The following THOC2 variants were observed in gnomAD, a reference collection of about 807,000 sequenced individuals.
THOC2 encodes the protein THO complex subunit 2.
Under a neutral mutation model 128.4 loss-of-function variants are expected in THOC2, and 10 were observed. That is an observed-to-expected ratio of 0.08 (90% CI 0.05 to 0.13). THOC2 has a LOEUF of 0.13. Ranked by LOEUF, THOC2 falls within the 10% of genes least tolerant of loss-of-function variation. The probability of loss-of-function intolerance (pLI) is 1.00; values close to 1 mark genes in which losing one functional copy is unlikely to be tolerated. For missense variants in THOC2, 535 were observed against 1,155.7 expected, an observed-to-expected ratio of 0.46 and a Z score of 7.79; for synonymous variants, 393 against 396.9, an observed-to-expected ratio of 0.99 and a Z score of 0.12.
chrX:123,614,172 A>C lies in THOC2; in HGVS notation c.4329T>G (p.Thr1443=), dbSNP rs2046806466. 1 of 1,189,377 alleles carries C rather than the reference A, an allele frequency of 8.4e-7. No homozygotes were observed. ...ESSAKLYINH[T]PPPLSKSKER... is the part of the protein sequence containing the mutation. Reference sequence around the variant, plus strand: ...CCTTACTCTTGGACAGTGGTGGAGGAGTATGATTAATGTAGAGCTGTTAAA... The same window carrying C: ...CCTTACTCTTGGACAGTGGTGGAGGCGTATGATTAATGTAGAGCTGTTAAA... Residue 1443 remains threonine, a synonymous_variant, in exon 34 of 39, where the codon ACT becomes ACG. Transcript: ENST00000245838.
rs1341322965 is a variant in THOC2, at chrX:123,634,703, A to C, written c.2019-633T>G. Among the ~76,000 whole-genome samples the C allele has an allele frequency of 2.7e-5, 3 of 111,735 alleles. No individual in the cohort carries two copies. In the East Asian group the frequency reaches 8.4e-4, roughly 31 times the overall value. On this transcript the variant is annotated intron_variant, in intron 19 of 38. Coordinates refer to ENST00000245838, the MANE Select transcript of THOC2 (RefSeq NM_001081550.2). ...GATGGTATAGAGCCATTTCTAAATA[A>C]TCCATTTACTAAACAGGGACAAAGA...
In THOC2 at chrX:123,619,420, A is replaced by G; in HGVS notation, c.4292T>C (p.Leu1431Pro). The change falls in exon 33 of 39, where the codon CTC becomes CCC. Residue 1431 changes from leucine to proline, a missense_variant. By Grantham distance (98) the Leu-to-Pro change is moderately conservative. Transcript: ENST00000245838. Reference sequence around the variant, plus strand: ...TCAAACCTTTGCTGAAGATTCCTTGAGTTCGATGAGACTGTCCTGTAGAAA... The same window carrying G: ...TCAAACCTTTGCTGAAGATTCCTTGGGTTCGATGAGACTGTCCTGTAGAAA... ...SSTVKDSLIE[L>P]KESSAKLYIN... is the part of the protein sequence containing the mutation. 1 of 1,196,888 alleles carries G rather than the reference A, an allele frequency of 8.4e-7. No homozygotes were observed. The highest frequency in any genetic ancestry group is 1.8e-5 in the South Asian group (1 of 55,107).
intron 2 of THOC2, among the ~76,000 whole-genome samples, chrX:123,710,618 T>C (rs954989535): frequency 9.1e-6 from 1 of 110,440 alleles, no homozygotes; most frequent in African/African-American, 3.3e-5. Context: ...ATTTGGGGGG[T>C]GGCAGGCTAG....
chrX:123,657,251 T>A (rs1198992521), intron 12 of THOC2, among the ~76,000 whole-genome samples: 2 of 109,169 alleles, frequency 1.8e-5, no homozygotes, highest in Non-Finnish European at 3.8e-5. Flanking sequence ...CCAAGAACTG[T>A]AGGACTAAAA....
Position 123,670,805 on chromosome X carries a change from C to G in THOC2, c.861+864G>C, listed in dbSNP as rs866535285. On this transcript the variant is annotated intron_variant, in intron 9 of 38. Transcript: ENST00000245838. ...TATCTATTCTGAGCTTTGTGAATAT[C>G]TCCAATAGAGTACCTATTAAATAAT... Among the ~76,000 whole-genome samples, 15 of 112,127 alleles carry G rather than the reference C, an allele frequency of 1.3e-4. No homozygotes were observed. In the Middle Eastern group the frequency reaches 0.014, roughly 102 times the overall value.
intron 2 of THOC2, among the ~76,000 whole-genome samples, chrX:123,711,691 G>C (rs1418397897): frequency 9.0e-6 from 1 of 110,575 alleles, no homozygotes; most frequent in South Asian, 3.9e-4. Flanking sequence ...GCTGAGGCAG[G>C]AGAATCGTTT....
intron 8 of THOC2, among the ~76,000 whole-genome samples, chrX:123,678,208 A>T (rs2049589620): frequency 1.8e-5 from 2 of 109,367 alleles, no homozygotes; most frequent in South Asian, 7.8e-4. Flanking sequence ...ACAATGCGCC[A>T]TGTACATTCC....
chrX:123,609,499 T>C (rs1452855451), intron 38 of THOC2, among the ~76,000 whole-genome samples: 5 of 111,427 alleles, frequency 4.5e-5, no homozygotes. Flanking sequence ...TTTAAGCCCA[T>C]ACCCTTATAC....
intron 12 of THOC2, among the ~76,000 whole-genome samples, chrX:123,654,812 C>T (rs1250273871): frequency 1.9e-5 from 2 of 103,187 alleles, no homozygotes; most frequent in African/African-American, 3.5e-5. Context: ...CACAATTATG[C>T]CTATATAGGC....
At chrX:123,653,916 G>A (rs746039991) in intron 12 of THOC2, among the ~76,000 whole-genome samples, 56 of 111,753 alleles carry the variant, frequency 5.0e-4, no homozygotes, top group Non-Finnish European at 7.5e-4. Flanking sequence ...TATATACCCA[G>A]AGGATTATAA....
At chrX:123,611,633 AC>A in intron 36 of THOC2, 117 bp from the exon 37 acceptor site, 1 of 444,447 alleles carries the variant, frequency 2.2e-6, no homozygotes, top group South Asian at 4.8e-5. Flanking sequence ...TTAACATGAC[AC>A]CAAAAGCATA....
At position 123,613,687 on chromosome X, in the gene THOC2, C is replaced by T; in HGVS notation, c.4471G>A (p.Glu1491Lys). ...RKRDHSNNDR[E>K]VPPDLTKRRK... ...CTCTTGGTTAAGTCCGGTGGCACTT[C>T]ACGGTCGTTGTTTGAGTGATCCTAG... Residue 1491 changes from glutamate (E) to lysine (K), a missense_variant, in exon 35 of 39, where the codon GAA becomes AAA. Around this residue, in one of 9 missense-constraint regions of THOC2, gnomAD observed 39 missense variants for 93.1 expected, o/e 0.42. Transcript: ENST00000245838. 1 of 1,210,682 alleles carries T rather than the reference C, an allele frequency of 8.3e-7. No individual in the cohort carries two copies. The highest frequency in any genetic ancestry group is 1.1e-6 in the Non-Finnish European group (1 of 894,621).
At chrX:123,685,286 G>C (rs1199631684) in intron 8 of THOC2, among the ~76,000 whole-genome samples, 2 of 112,433 alleles carry the variant, frequency 1.8e-5, no homozygotes, top group Non-Finnish European at 3.8e-5. Flanking sequence ...TGGCAAAGGA[G>C]ATAGATACAG....
At chrX:123,665,313 G>A (rs1351309132) in intron 12 of THOC2, among the ~76,000 whole-genome samples, 1 of 111,556 alleles carries the variant, frequency 9.0e-6, no homozygotes, top group East Asian at 2.8e-4. Context: ...ATTCAGTACG[G>A]GAACATTCTG....
intron 12 of THOC2, among the ~76,000 whole-genome samples, chrX:123,651,752 G>C (rs1450692458): frequency 2.9e-5 from 3 of 103,604 alleles, no homozygotes; most frequent in African/African-American, 1.1e-4. Flanking sequence ...AAACCAGGAA[G>C]AAGTGGAATC....
At chrX:123,637,652 C>T (rs1013013891) in intron 18 of THOC2, among the ~76,000 whole-genome samples, 1 of 110,664 alleles carries the variant, frequency 9.0e-6, no homozygotes, top group African/African-American at 3.3e-5. Flanking sequence ...CCCAGCTACT[C>T]GGGAGGCTGA....
chrX:123,709,195 T>C (rs904125579), intron 2 of THOC2, among the ~76,000 whole-genome samples: 2 of 112,553 alleles, frequency 1.8e-5, no homozygotes, highest in African/African-American at 6.5e-5. Flanking sequence ...AAACTTTATA[T>C]TTACAATGAG....
Position 123,661,373 on chromosome X carries a change from C to T in THOC2, c.1386+4269G>A, listed in dbSNP as rs190317587. Among the ~76,000 whole-genome samples the T allele has an allele frequency of 6.4e-5, 7 of 110,221 alleles. No individual in the cohort carries two copies. In the East Asian group the frequency reaches 2.0e-3, roughly 31 times the overall value. ...TGAGCCGAGGTCGCGCCATTGCACT[C>T]CAGCCTGGGCGACAAGAGCGAAACT... On this transcript the variant is annotated intron_variant, in intron 12 of 38. Transcript: ENST00000245838.
intron 33 of THOC2, among the ~76,000 whole-genome samples, chrX:123,618,923 G>A (rs2046988827): frequency 9.0e-6 from 1 of 111,496 alleles, no homozygotes; most frequent in Admixed American, 9.5e-5. Flanking sequence ...CCTCAGCAGA[G>A]GATATATAAA....
Sources: gnomAD v4.1 joint callset for allele counts (sites outside exome capture counted in the v4.1 genomes callset) on GRCh38, gnomAD v4.1.1 for gene constraint, gnomAD v4.1.1 regional missense constraint, MANE v1.5 for transcripts, NCBI Gene and HGNC (gene_info 2026-07-23, HGNC 2026-07-21) for gene names.